PTPRD: variants seen among roughly 807,000 people sequenced by gnomAD.
The protein encoded by PTPRD is receptor-type tyrosine-protein phosphatase delta.
Under a neutral mutation model 214.5 loss-of-function variants are expected in PTPRD, and 34 were observed. The ratio of observed to expected loss-of-function variants is 0.16; its 90% confidence interval spans 0.12 to 0.21. The LOEUF (loss-of-function observed/expected upper bound fraction) is 0.21. Ranked by LOEUF, PTPRD falls within the 10% of genes least tolerant of loss-of-function variation. The probability of loss-of-function intolerance (pLI) is 1.00; values close to 1 mark genes in which losing one functional copy is unlikely to be tolerated. For synonymous variants in PTPRD, 1,128 were observed against 845.7 expected, an observed-to-expected ratio of 1.33 and a Z score of -5.79; for missense variants, 2,545 against 2,398.7, an observed-to-expected ratio of 1.06 and a Z score of -1.27.
intron 8 of PTPRD, among the ~76,000 whole-genome samples, chr9:9,562,327 G>A (rs2083184435): frequency 1.3e-5 from 2 of 152,118 alleles, no homozygotes; most frequent in Admixed American, 1.3e-4. Context: ...TGCCTCCTCT[G>A]CCACTATTCT....
intron 5 of PTPRD, among the ~76,000 whole-genome samples, chr9:9,854,776 A>G (rs2061233973): frequency 6.6e-6 from 1 of 152,150 alleles, no homozygotes; most frequent in South Asian, 2.1e-4. Flanking sequence ...ACAAAAACAG[A>G]ATATCTGACC....
At chr9:9,024,347 TGTTTG>T (rs1429783879) in intron 10 of PTPRD, among the ~76,000 whole-genome samples, 5 of 50,210 alleles carry the variant, frequency 1.0e-4, no homozygotes, top group African/African-American at 1.6e-4. Context: ...TGTTTTTTTT[TGTTTG>T]TTTTTTTTTT....
At chr9:10,038,209 T>C (rs940657876) in intron 3 of PTPRD, among the ~76,000 whole-genome samples, 2 of 152,144 alleles carry the variant, frequency 1.3e-5, no homozygotes, top group African/African-American at 4.8e-5. Context: ...TGACCATGTA[T>C]ATCTCATGAA....
chr9:8,571,802 G>A (rs2091224764), intron 14 of PTPRD, among the ~76,000 whole-genome samples: 1 of 152,020 alleles, frequency 6.6e-6, no homozygotes, highest in Admixed American at 6.6e-5. Context: ...AACTGCTCCT[G>A]GAGCTGCGGA....
chr9:8,905,989 T>C (rs1478613285), intron 11 of PTPRD, among the ~76,000 whole-genome samples: 2 of 152,192 alleles, frequency 1.3e-5, no homozygotes, highest in Non-Finnish European at 2.9e-5. Context: ...AGTTTAGTCT[T>C]AAGTGAGCAT....
chr9:10,039,575 G>A (rs902572885), intron 3 of PTPRD, among the ~76,000 whole-genome samples: 1 of 151,832 alleles, frequency 6.6e-6, no homozygotes, highest in Non-Finnish European at 1.5e-5. Context: ...CTTATATAAA[G>A]AACACTTAGC....
chr9:8,894,603 G>T (rs1042266060), intron 11 of PTPRD, among the ~76,000 whole-genome samples: 3 of 151,936 alleles, frequency 2.0e-5, no homozygotes, highest in African/African-American at 7.3e-5. Context: ...CTAATTTTTG[G>T]TTGCACAGGT....
intron 2 of PTPRD, among the ~76,000 whole-genome samples, chr9:10,560,108 C>T (rs1454631363): frequency 2.0e-5 from 3 of 152,098 alleles, no homozygotes; most frequent in African/African-American, 7.2e-5. Flanking sequence ...CACATGCACA[C>T]GTATGTTTAT....
At chr9:10,184,149 G>A (rs562208422) in intron 3 of PTPRD, among the ~76,000 whole-genome samples, 21 of 152,148 alleles carry the variant, frequency 1.4e-4, no homozygotes, top group Non-Finnish European at 2.8e-4. Flanking sequence ...TTTAGGCCGG[G>A]TGCAGTGGGT....
At chr9:10,278,879 A>G (rs1030968416) in intron 3 of PTPRD, among the ~76,000 whole-genome samples, 1 of 151,894 alleles carries the variant, frequency 6.6e-6, no homozygotes, top group Non-Finnish European at 1.5e-5. Context: ...GGTTCAAGCC[A>G]TTCTCCTGCC....
At chr9:10,580,725 C>A (rs1256472918) in intron 2 of PTPRD, among the ~76,000 whole-genome samples, 1 of 151,826 alleles carries the variant, frequency 6.6e-6, no homozygotes, top group Non-Finnish European at 1.5e-5. Context: ...AAGAATAAAC[C>A]AGGTCTCACA....
At chr9:9,629,741 G>T (rs1038749150) in intron 7 of PTPRD, among the ~76,000 whole-genome samples, 1 of 151,978 alleles carries the variant, frequency 6.6e-6, no homozygotes, top group Non-Finnish European at 1.5e-5. Context: ...TTGGGGAAAG[G>T]AATAGGCTCT....
intron 2 of PTPRD, among the ~76,000 whole-genome samples, chr9:10,493,850 G>T (rs931112514): frequency 1.3e-5 from 2 of 151,822 alleles, no homozygotes; most frequent in Non-Finnish European, 2.9e-5. Flanking sequence ...CTTTTACCTA[G>T]AATACTATTA....
intron 3 of PTPRD, among the ~76,000 whole-genome samples, chr9:10,248,471 T>C (rs1227203741): frequency 1.5e-5 from 2 of 136,246 alleles, no homozygotes; most frequent in Non-Finnish European, 3.0e-5. Context: ...ATGGATCGTG[T>C]TAAACATTAG....
At chr9:9,987,831 A>C (rs970401871) in intron 4 of PTPRD, among the ~76,000 whole-genome samples, 2 of 152,172 alleles carry the variant, frequency 1.3e-5, no homozygotes, top group Non-Finnish European at 2.9e-5. Context: ...TGCTAGTTGC[A>C]AATTGGATGA....
chr9:8,968,084 T>G (rs962312757), intron 11 of PTPRD, among the ~76,000 whole-genome samples: 5 of 152,100 alleles, frequency 3.3e-5, no homozygotes, highest in African/African-American at 1.2e-4. Flanking sequence ...GGACATGAAC[T>G]CATCCCTTTT....
chr9:9,121,011 T>C (rs1307338084), intron 10 of PTPRD, among the ~76,000 whole-genome samples: 1 of 152,206 alleles, frequency 6.6e-6, no homozygotes. Context: ...AAGATATTAT[T>C]ATTATCTGCT....
chr9:10,045,256 A>AT lies in PTPRD; in HGVS notation c.-544-11467dup, dbSNP rs1246060055. ...CAGAAGTTTCTTAAATAAAAATAAT[A>AT]TTTTTTTGGAAAAACATTTTAACAA... On this transcript the variant is annotated intron_variant, in intron 3 of 45. Transcript: ENST00000381196. Among the ~76,000 whole-genome samples the AT allele has an allele frequency of 2.0e-5, 3 of 151,880 alleles. No individual in the cohort carries two copies. In the East Asian group the frequency reaches 5.8e-4, roughly 29 times the overall value.
At chr9:9,776,663 C>A (rs904320573) in intron 5 of PTPRD, among the ~76,000 whole-genome samples, 1 of 152,174 alleles carries the variant, frequency 6.6e-6, no homozygotes, top group Non-Finnish European at 1.5e-5. Context: ...AGTTTAACAA[C>A]CTAATCAGCC....
Sources: allele counts gnomAD v4.1 joint callset (sites outside exome capture counted in the v4.1 genomes callset), GRCh38; gene constraint gnomAD v4.1.1; transcripts MANE v1.5; gene names NCBI Gene and HGNC (gene_info 2026-07-23, HGNC 2026-07-21).